Variants in REM1 observed in about 807,000 individuals in gnomAD.
REM1 encodes the protein GTP-binding protein REM 1.
A neutral mutation model predicts 27.0 loss-of-function variants in REM1; 20 were observed. That is an observed-to-expected ratio of 0.74 (90% CI 0.52 to 1.08). REM1 has a LOEUF of 1.08. Among genes scored for constraint, REM1 ranks in the 50% least tolerant of loss-of-function variants. REM1 has a pLI of 0.00. For synonymous variants in REM1, 159 were observed against 167.9 expected, an observed-to-expected ratio of 0.95 and a Z score of 0.41; for missense variants, 405 against 407.0, an observed-to-expected ratio of 1.00 and a Z score of 0.04.
In REM1 at chr20:31,482,331, C is replaced by CT; in HGVS notation, c.469dup (p.Tyr157LeufsTer14). The CT allele has an allele frequency of 6.2e-7, 1 of 1,614,196 alleles. No individual in the cohort carries two copies. Among genetic ancestry groups the CT allele is most frequent in the Non-Finnish European group, 8.5e-7 (1 of 1,180,038 alleles). ...AGTCATGCCTGCAGGGGGGCAGTGC[C>CT]TATGTCATCGTATACTCCATCGCAG... On this transcript the variant is annotated frameshift_variant, in exon 4 of 5. Coordinates refer to ENST00000201979, the MANE Select transcript of REM1 (RefSeq NM_014012.6). LOFTEE classifies it high-confidence loss of function.
In REM1 at chr20:31,484,352, A is replaced by G. The variant is rs1284235770; in HGVS notation, c.819A>G (p.Ala273=). ...CCCAGCGCGCTCGTCGCTTCCTGGCACGCCTGACAGCCCGCAGCGCACGCC... is the reference window on the plus strand; with the variant it reads ...CCCAGCGCGCTCGTCGCTTCCTGGCGCGCCTGACAGCCCGCAGCGCACGCC... ...SLAQRARRFL[A]RLTARSARRR... Residue 273 remains alanine (A), a synonymous_variant, in exon 5 of 5, where the codon GCA becomes GCG. Transcript: ENST00000201979. 4 of 1,561,732 alleles carry G rather than the reference A, an allele frequency of 2.6e-6. No individual in the cohort carries two copies. In the South Asian group the frequency reaches 4.7e-5, roughly 18 times the overall value.
intron 3 of REM1, among the ~76,000 whole-genome samples, chr20:31,479,399 G>C (rs960465298): frequency 1.3e-5 from 2 of 152,160 alleles, no homozygotes; most frequent in Non-Finnish European, 2.9e-5. Context: ...AATGCTATGG[G>C]GCAGTCAGTG....
intron 3 of REM1, among the ~76,000 whole-genome samples, chr20:31,478,312 G>A (rs540711978): frequency 6.6e-6 from 1 of 152,004 alleles, no homozygotes; most frequent in South Asian, 2.1e-4. Context: ...GCCACTCCGA[G>A]CTTCAGTTTT....
At chr20:31,476,809 G>A in intron 2 of REM1, 24 bp downstream of exon 2, 1 of 1,571,706 alleles carries the variant, frequency 6.4e-7, no homozygotes, top group South Asian at 1.2e-5. Flanking sequence ...GGGCTGGGCT[G>A]GGATGTGGCC....
intron 4 of REM1, 52 bp from the exon 5 acceptor site, chr20:31,484,107 C>A: frequency 6.7e-7 from 1 of 1,501,712 alleles, no homozygotes; most frequent in Non-Finnish European, 8.9e-7. Context: ...CTACCTTTTT[C>A]TCCGCCTTCC....
At chr20:31,478,352 G>A (rs920231414) in intron 3 of REM1, among the ~76,000 whole-genome samples, 2 of 152,158 alleles carry the variant, frequency 1.3e-5, no homozygotes, top group African/African-American at 4.8e-5. Context: ...AACCATTCCT[G>A]CCTTCCTCAT....
rs151303276 is a variant in REM1, at chr20:31,480,153, C to T, written c.424-2134C>T. On this transcript the variant is annotated intron_variant, in intron 3 of 4. Transcript: ENST00000201979. ...CAGGCCTCACCCTGGCCCTCACCCT[C>T]AGCCTGGGCAACAGAGCAAGACTCC... 5.7e-3 allele frequency among the ~76,000 whole-genome samples: 872 copies of T among 152,130 alleles called. 17 individuals are homozygous for T. Among genetic ancestry groups the T allele is most frequent in the Admixed American group, 0.044 (671 of 15,290 alleles).
Position 31,482,462 on chromosome 20 carries a change from C to T in REM1, c.599C>T (p.Ala200Val). The T allele has an allele frequency of 1.2e-6, 2 of 1,614,144 alleles. No individual in the cohort carries two copies. The highest frequency in any genetic ancestry group is 1.7e-6 in the Non-Finnish European group (2 of 1,180,030). ...CTCGTGGGCAACAAGGCAGACTTGGCCCGCTGCCGAGAAGTCTCTGTGGAA... is the reference window on the plus strand; with the variant it reads ...CTCGTGGGCAACAAGGCAGACTTGGTCCGCTGCCGAGAAGTCTCTGTGGAA... Reference protein sequence around the residue: ...IILVGNKADLARCREVSVEEG... With the variant: ...IILVGNKADLVRCREVSVEEG... The change falls in exon 4 of 5, where the codon GCC becomes GTC. Residue 200 changes from alanine to valine, a missense_variant. Physicochemically the swap from Ala to Val is moderately conservative, Grantham distance 64. Transcript: ENST00000201979.
chr20:31,482,050 G>C (rs186090191), intron 3 of REM1, among the ~76,000 whole-genome samples: 4 of 152,362 alleles, frequency 2.6e-5, no homozygotes, highest in Admixed American at 2.0e-4. Context: ...CAGTGAGTGA[G>C]AGAATTCTGT....
chr20:31,476,720 G>A lies in REM1; in HGVS notation c.275G>A (p.Gly92Glu). Residue 92 changes from glycine to glutamate, a missense_variant, in exon 2 of 5, where the codon GGG (glycine) becomes GAG (glutamate). Physicochemically the swap from Gly to Glu is moderately conservative, Grantham distance 98. Coordinates refer to ENST00000201979, the MANE Select transcript of REM1 (RefSeq NM_014012.6). ...GTGCTACTTGGAGATCCTGGAGTGGGGAAGACCAGCTTGGCCAGCCTCTTT... is the reference window on the plus strand; with the variant it reads ...GTGCTACTTGGAGATCCTGGAGTGGAGAAGACCAGCTTGGCCAGCCTCTTT... ...RVVLLGDPGV[G>E]KTSLASLFAG... 1.2e-6 allele frequency: 2 copies of A among 1,614,054 alleles called. No homozygotes were observed. Among genetic ancestry groups the A allele is most frequent in the Non-Finnish European group, 1.7e-6 (2 of 1,179,990 alleles).
chr20:31,480,242 CATACACACATACATACATACAT>C (rs1980680574), intron 3 of REM1, among the ~76,000 whole-genome samples: 3 of 53,790 alleles, frequency 5.6e-5, no homozygotes, highest in African/African-American at 5.0e-4. Context: ...CAGATACATA[CATACACACATACATACATACAT>C]ACATACATAC....
At position 31,484,784 on chromosome 20, in the gene REM1, T is replaced by C; in HGVS notation, c.*354T>C. On this transcript the variant is annotated 3_prime_UTR_variant, in exon 5 of 5. Transcript: ENST00000201979. The stretch of plus-strand genomic sequence containing the variant: ...ATCTGAATGCCCAGACCTCTCCATC[T>C]CGGCTCTTCCAGGCGTCTCCACCTA... 4.1e-6 allele frequency: 1 copy of C among 244,864 alleles called. No individual in the cohort carries two copies. The highest frequency in any genetic ancestry group is 1.2e-4 in the South Asian group (1 of 8,674). 15.2% of individuals were successfully genotyped at this position (244,864 alleles called of 1,614,324 possible).
chr20:31,478,740 C>T (rs1187627156), intron 3 of REM1, among the ~76,000 whole-genome samples: 2 of 151,942 alleles, frequency 1.3e-5, no homozygotes, highest in Non-Finnish European at 2.9e-5. Context: ...AACCAAAGAC[C>T]AGAGCGGTTA....
rs1036135468 is a variant in REM1, at chr20:31,484,731, A to G, written c.*301A>G. Reference sequence around the variant, plus strand: ...CTCTGGCCAACCCTCAGAAACCCTCACAATAAACCAGACCAGAAGGATGTC... The same window carrying G: ...CTCTGGCCAACCCTCAGAAACCCTCGCAATAAACCAGACCAGAAGGATGTC... On this transcript the variant is annotated 3_prime_UTR_variant, in exon 5 of 5. Transcript: ENST00000201979. 2.5e-6 allele frequency: 1 copy of G among 398,066 alleles called. No homozygotes were observed. Among genetic ancestry groups the G allele is most frequent in the Admixed American group, 4.6e-5 (1 of 21,836 alleles). 24.7% of individuals were successfully genotyped at this position (398,066 alleles called of 1,614,324 possible).
In REM1 at chr20:31,484,795, A is replaced by AC; in HGVS notation, c.*365_*366insC. 6 of 218,476 alleles carry AC rather than the reference A, an allele frequency of 2.7e-5. No homozygotes were observed. Among genetic ancestry groups the AC allele is most frequent in the Non-Finnish European group, 4.5e-5 (5 of 111,974 alleles). 13.5% of individuals were successfully genotyped at this position (218,476 alleles called of 1,614,324 possible). On this transcript the variant is annotated 3_prime_UTR_variant, in exon 5 of 5. Transcript: ENST00000201979. ...CAGACCTCTCCATCTCGGCTCTTCC[A>AC]GGCGTCTCCACCTACTGCCCTCCCA...
intron 3 of REM1, among the ~76,000 whole-genome samples, chr20:31,482,027 C>A (rs1306981409): frequency 1.3e-5 from 2 of 152,210 alleles, no homozygotes; most frequent in Non-Finnish European, 2.9e-5. Context: ...CACTACCCAG[C>A]CTGCAAAAGT....
intron 2 of REM1, among the ~76,000 whole-genome samples, chr20:31,477,122 C>T (rs974153550): frequency 6.6e-6 from 1 of 152,138 alleles, no homozygotes; most frequent in African/African-American, 2.4e-5. Flanking sequence ...AGGTCAGAAA[C>T]TCCCCTCCCT....
At chr20:31,480,324 ATTTCT>A (rs1980688607) in intron 3 of REM1, among the ~76,000 whole-genome samples, 1 of 151,570 alleles carries the variant, frequency 6.6e-6, no homozygotes, top group Non-Finnish European at 1.5e-5. Flanking sequence ...TTATTCTTTT[ATTTCT>A]TTTCTTTTTT....
chr20:31,479,948 G>C (rs1980657241), intron 3 of REM1, among the ~76,000 whole-genome samples: 1 of 152,094 alleles, frequency 6.6e-6, no homozygotes, highest in Non-Finnish European at 1.5e-5. Flanking sequence ...AATTAGCCAG[G>C]TGTGGTGGTG....
Sources: allele counts gnomAD v4.1 joint callset (sites outside exome capture counted in the v4.1 genomes callset), GRCh38; gene constraint gnomAD v4.1.1; transcripts MANE v1.5; gene names NCBI Gene and HGNC (gene_info 2026-07-23, HGNC 2026-07-21).